The following FRYL variants were observed in gnomAD, a reference collection of about 807,000 sequenced individuals.
FRYL encodes the protein protein furry homolog-like.
Under a neutral mutation model 351.2 loss-of-function variants are expected in FRYL, and 150 were observed. The ratio of observed to expected loss-of-function variants is 0.43; its 90% CI spans 0.37 to 0.49. FRYL has a LOEUF of 0.49. Ranked by LOEUF, FRYL falls within the 20% of genes least tolerant of loss-of-function variation. The probability of loss-of-function intolerance (pLI) is 0.00; values close to 1 mark genes in which losing one functional copy is unlikely to be tolerated. For missense variants in FRYL, 3,036 were observed against 3,619.3 expected (o/e 0.84, Z 4.13); for synonymous variants, 1,153 against 1,257.1 (o/e 0.92, Z 1.75).
Position 48,534,528 on chromosome 4 carries a change from G to A in FRYL, c.6705+17C>T. ...TTTAGATGAAAAATGTTATATGTAA[G>A]TTTTGTGGTCACTCACCTGTACATA... On this transcript the variant is annotated intron_variant, in intron 49 of 63. Transcript: ENST00000358350. 6.3e-7 allele frequency: 1 copy of A among 1,587,754 alleles called. No individual in the cohort carries two copies. The highest frequency in any genetic ancestry group is 8.6e-7 in the Non-Finnish European group (1 of 1,163,170).
At chr4:48,648,518 T>C (rs1335492843) in intron 3 of FRYL, among the ~76,000 whole-genome samples, 1 of 152,122 alleles carries the variant, frequency 6.6e-6, no homozygotes, top group African/African-American at 2.4e-5. Flanking sequence ...AGCCTTCAAT[T>C]AAAATATGAA....
intron 1 of FRYL, among the ~76,000 whole-genome samples, chr4:48,710,977 G>C (rs1215207841): frequency 6.6e-6 from 1 of 152,164 alleles, no homozygotes; most frequent in Non-Finnish European, 1.5e-5. Context: ...TAAATAAAAT[G>C]TGGTATACCC....
chr4:48,522,387 T>C (rs1440832792), intron 54 of FRYL, among the ~76,000 whole-genome samples: 1 of 151,942 alleles, frequency 6.6e-6, no homozygotes, highest in Non-Finnish European at 1.5e-5. Flanking sequence ...AGCTATTCCA[T>C]GTGCCTTCTC....
chr4:48,712,460 G>C (rs1180788598), intron 1 of FRYL, among the ~76,000 whole-genome samples: 2 of 152,200 alleles, frequency 1.3e-5, no homozygotes, highest in African/African-American at 4.8e-5. Context: ...CTGGAAGAAA[G>C]GGTATCAGCG....
Position 48,553,204 on chromosome 4 carries a change from A to G in FRYL, c.4435+11T>C. The G allele has an allele frequency of 6.2e-7, 1 of 1,605,738 alleles. No homozygotes were observed. Among genetic ancestry groups the G allele is most frequent in the Non-Finnish European group, 8.5e-7 (1 of 1,175,572 alleles). On this transcript the variant is annotated intron_variant, in intron 36 of 63. Coordinates refer to ENST00000358350, the MANE Select transcript of FRYL (RefSeq NM_015030.2). The stretch of plus-strand genomic sequence containing the variant: ...ATCTCACACAGCAATCGGTTTTAAC[A>G]AATTTCTCACCTGAGGTGACAGAAG...
chr4:48,514,268 T>C (rs1723078853), intron 56 of FRYL, among the ~76,000 whole-genome samples: 1 of 152,044 alleles, frequency 6.6e-6, no homozygotes, highest in African/African-American at 2.4e-5. Context: ...ACTCACAGAG[T>C]GCATGAAGTT....
chr4:48,503,242 A>G (rs1164339035), intron 60 of FRYL, among the ~76,000 whole-genome samples: 2 of 152,120 alleles, frequency 1.3e-5, no homozygotes, highest in African/African-American at 4.8e-5. Flanking sequence ...TAAGAAACAA[A>G]TTAATTACTG....
At chr4:48,506,467 G>C (rs1207858390) in intron 59 of FRYL, 3 of 151,482 alleles carry the variant, frequency 2.0e-5, no homozygotes, top group Admixed American at 1.3e-4. Flanking sequence ...TAGTAGAAAA[G>C]AAAGAACGCT....
rs370391380 is a variant in FRYL, at chr4:48,540,227, G to A, written c.6295+126C>T. On this transcript the variant is annotated intron_variant, in intron 46 of 63. Transcript: ENST00000358350. ...TTTTGGCTTTTACCAAATAATTTAA[G>A]CTACCTAGCGTATAAAAACTATGAC... 16 of 1,218,486 alleles carry A rather than the reference G, an allele frequency of 1.3e-5. No homozygotes were observed. The South Asian group carries it at 2.6e-4, about 20-fold the overall frequency. 75.5% of individuals were successfully genotyped at this position (1,218,486 alleles called of 1,614,324 possible). A position where few individuals can be genotyped will look rare whatever the true frequency, so the allele number is the denominator to read the frequency against.
chr4:48,568,017 G>T (rs1270864240), intron 27 of FRYL, among the ~76,000 whole-genome samples: 5 of 152,230 alleles, frequency 3.3e-5, no homozygotes, highest in Non-Finnish European at 7.3e-5. Flanking sequence ...TGTAATGCCA[G>T]CACTTTGGGA....
At chr4:48,768,083 CACTGAATACAGT>C (rs1775147487) in intron 1 of FRYL, among the ~76,000 whole-genome samples, 2 of 152,288 alleles carry the variant, frequency 1.3e-5, no homozygotes, top group East Asian at 3.9e-4. Context: ...CTTTTCCTGA[CACTGAATACAGT>C]ACGTAAAGGT....
At chr4:48,574,419 A>G (rs1351155963) in intron 25 of FRYL, 1 of 152,176 alleles carries the variant, frequency 6.6e-6, no homozygotes, top group African/African-American at 2.4e-5. Flanking sequence ...ATATATTACA[A>G]TTTATTAACC....
intron 1 of FRYL, among the ~76,000 whole-genome samples, chr4:48,766,373 AG>A (rs1261826372): frequency 6.6e-6 from 1 of 152,182 alleles, no homozygotes; most frequent in African/African-American, 2.4e-5. Context: ...TGTCAATAAA[AG>A]AGGTCAGATT....
chr4:48,609,392 G>A (rs2149276290), intron 8 of FRYL, among the ~76,000 whole-genome samples: 1 of 152,242 alleles, frequency 6.6e-6, no homozygotes, highest in Middle Eastern at 3.4e-3. Flanking sequence ...GGCCAAGGCA[G>A]GTGGATTGCT....
chr4:48,676,294 C>T (rs995242017), intron 3 of FRYL, among the ~76,000 whole-genome samples: 8 of 152,156 alleles, frequency 5.3e-5, no homozygotes, highest in Non-Finnish European at 8.8e-5. Flanking sequence ...TAACACTCAC[C>T]GCGAAGGTCT....
chr4:48,664,789 C>G (rs1205555202), intron 3 of FRYL, among the ~76,000 whole-genome samples: 1 of 152,042 alleles, frequency 6.6e-6, no homozygotes, highest in Admixed American at 6.5e-5. Context: ...AAAAAGAAAG[C>G]AGTAAAGAGA....
intron 1 of FRYL, among the ~76,000 whole-genome samples, chr4:48,760,903 C>T (rs1262472132): frequency 1.3e-5 from 2 of 152,134 alleles, no homozygotes; most frequent in East Asian, 3.9e-4. Flanking sequence ...GTCTAGAACT[C>T]CTGGCCTCAA....
chr4:48,677,216 C>T (rs1300138082), intron 3 of FRYL, among the ~76,000 whole-genome samples: 1 of 152,054 alleles, frequency 6.6e-6, no homozygotes, highest in Non-Finnish European at 1.5e-5. Flanking sequence ...ATATCATTCC[C>T]TTCAAATTAC....
At chr4:48,685,993 G>A (rs1043921188) in intron 2 of FRYL, among the ~76,000 whole-genome samples, 8 of 152,138 alleles carry the variant, frequency 5.3e-5, no homozygotes, top group Admixed American at 5.2e-4. Flanking sequence ...GACCTCAGGT[G>A]ATCCTCCTAA....
Sources: gnomAD v4.1 joint callset for allele counts (sites outside exome capture counted in the v4.1 genomes callset) on GRCh38, gnomAD v4.1.1 for gene constraint, MANE v1.5 for transcripts, NCBI Gene and HGNC (gene_info 2026-07-23, HGNC 2026-07-21) for gene names.